The following GALNTL6 variants were observed in gnomAD, a reference collection of about 807,000 sequenced individuals.
GALNTL6 encodes the protein polypeptide N-acetylgalactosaminyltransferase-like 6.
In GALNTL6, 46 loss-of-function variants were observed where a neutral mutation model predicts 73.7. That is an observed-to-expected ratio of 0.62 (90% confidence interval 0.49 to 0.80). GALNTL6 has a LOEUF of 0.80. Ranked by LOEUF, GALNTL6 falls within the 30% of genes least tolerant of loss-of-function variation. The pLI is 0.00. For missense variants in GALNTL6, 604 were observed against 755.0 expected (o/e 0.80, Z 2.34); for synonymous variants, 259 against 263.7 (o/e 0.98, Z 0.17).
intron 2 of GALNTL6, among the ~76,000 whole-genome samples, chr4:172,119,002 G>T (rs538247690): frequency 6.6e-6 from 1 of 150,968 alleles, no homozygotes; most frequent in South Asian, 2.1e-4. Flanking sequence ...ATCAAATCTC[G>T]TATTCACAAT....
chr4:172,011,457 A>G (rs1035822338), intron 2 of GALNTL6, among the ~76,000 whole-genome samples: 4 of 152,134 alleles, frequency 2.6e-5, no homozygotes, highest in Admixed American at 1.3e-4. Flanking sequence ...TTCAAATGCA[A>G]GAACCTTTAG....
chr4:172,696,951 A>C (rs1364560994), intron 5 of GALNTL6, among the ~76,000 whole-genome samples: 1 of 152,234 alleles, frequency 6.6e-6, no homozygotes, highest in Admixed American at 6.6e-5. Context: ...GTCACATTGT[A>C]TATTCAATAA....
chr4:173,014,046 CA>C (rs11388681), intron 11 of GALNTL6, among the ~76,000 whole-genome samples: 1,687 of 144,316 alleles, frequency 0.012, 33 homozygotes, highest in African/African-American at 0.039. Context: ...CGTTTTTTTC[CA>C]AAAAAAAAAG....
intron 2 of GALNTL6, among the ~76,000 whole-genome samples, chr4:172,162,063 A>G (rs189366953): frequency 1.2e-4 from 19 of 152,144 alleles, no homozygotes; most frequent in African/African-American, 4.6e-4. Context: ...TAACAAGAAG[A>G]TATACCATAG....
intron 2 of GALNTL6, among the ~76,000 whole-genome samples, chr4:172,080,291 C>T (rs562914162): frequency 2.1e-3 from 327 of 152,216 alleles, no homozygotes; most frequent in African/African-American, 6.8e-3. Context: ...AGTAATCCTC[C>T]CACCTCAGCC....
chr4:172,197,410 T>C (rs911114427), intron 2 of GALNTL6, among the ~76,000 whole-genome samples: 1 of 152,260 alleles, frequency 6.6e-6, no homozygotes, highest in African/African-American at 2.4e-5. Context: ...TAAACTACCA[T>C]TGACATTCTT....
chr4:171,884,233 T>C (rs1011678057), intron 2 of GALNTL6, among the ~76,000 whole-genome samples: 16 of 152,324 alleles, frequency 1.1e-4, no homozygotes, highest in African/African-American at 3.6e-4. Context: ...TTTGCTATTA[T>C]CTATGGCCAA....
In GALNTL6 at chr4:172,627,787, C is replaced by T. The variant is rs530989959; in HGVS notation, c.554-181574C>T. 5.3e-5 allele frequency among the ~76,000 whole-genome samples: 8 copies of T among 152,088 alleles called. No individual in the cohort carries two copies. The South Asian group carries it at 1.7e-3, about 32-fold the overall frequency. On this transcript the variant is annotated intron_variant, in intron 5 of 12. Transcript: ENST00000506823. ...TTCCCTAGATTTTCTACTTCATGTG[C>T]ATACAGGAGTTCTATAATAGTCTCT...
chr4:172,204,156 C>G (rs1736035977), intron 2 of GALNTL6, among the ~76,000 whole-genome samples: 1 of 152,024 alleles, frequency 6.6e-6, no homozygotes, highest in African/African-American at 2.4e-5. Context: ...GTGAAGTTTA[C>G]TAGGTTGTTT....
At chr4:172,406,528 T>C (rs1162593690) in intron 5 of GALNTL6, among the ~76,000 whole-genome samples, 1 of 152,012 alleles carries the variant, frequency 6.6e-6, no homozygotes, top group Non-Finnish European at 1.5e-5. Flanking sequence ...CAAAAAATAT[T>C]GTCTTCAAGA....
At chr4:171,983,689 T>C (rs1362735270) in intron 2 of GALNTL6, among the ~76,000 whole-genome samples, 2 of 151,994 alleles carry the variant, frequency 1.3e-5, no homozygotes. Context: ...CCTTGAATTT[T>C]AATTTGTGTT....
chr4:172,130,039 A>G (rs1009309623), intron 2 of GALNTL6, among the ~76,000 whole-genome samples: 12 of 152,196 alleles, frequency 7.9e-5, no homozygotes, highest in African/African-American at 2.9e-4. Flanking sequence ...TCAGGAAAGT[A>G]AGGGAACACA....
chr4:172,063,550 T>C (rs1196811760), intron 2 of GALNTL6, among the ~76,000 whole-genome samples: 1 of 152,158 alleles, frequency 6.6e-6, no homozygotes, highest in Admixed American at 6.5e-5. Context: ...TGCAAAACCC[T>C]CTTTTGCAAT....
chr4:172,038,055 T>C (rs1579079496), intron 2 of GALNTL6, among the ~76,000 whole-genome samples: 1 of 151,906 alleles, frequency 6.6e-6, no homozygotes, highest in South Asian at 2.1e-4. Context: ...GGCGATAAGG[T>C]TGCAGTGAGC....
chr4:172,356,628 CT>C, intron 5 of GALNTL6, among the ~76,000 whole-genome samples: 1 of 152,186 alleles, frequency 6.6e-6, no homozygotes, highest in African/African-American at 2.4e-5. Context: ...AAATTCTCCC[CT>C]AATAAGAATT....
intron 2 of GALNTL6, among the ~76,000 whole-genome samples, chr4:171,914,390 G>T (rs1161011022): frequency 6.7e-6 from 1 of 149,438 alleles, no homozygotes; most frequent in Non-Finnish European, 1.5e-5. Flanking sequence ...TAAAATGTAA[G>T]ATACTGAAAA....
At chr4:171,829,845 T>C (rs1038613500) in intron 2 of GALNTL6, among the ~76,000 whole-genome samples, 5 of 151,994 alleles carry the variant, frequency 3.3e-5, no homozygotes, top group Admixed American at 6.6e-5. Flanking sequence ...AACCTGTGAG[T>C]ATTATCTTAT....
intron 5 of GALNTL6, among the ~76,000 whole-genome samples, chr4:172,623,031 C>A (rs1194600578): frequency 6.6e-6 from 1 of 152,058 alleles, no homozygotes; most frequent in African/African-American, 2.4e-5. Flanking sequence ...AGGGCTCCAA[C>A]TAAACCTAGG....
At chr4:172,945,529 T>C (rs953753664) in intron 9 of GALNTL6, among the ~76,000 whole-genome samples, 1 of 152,252 alleles carries the variant, frequency 6.6e-6, no homozygotes, top group African/African-American at 2.4e-5. Context: ...TTTTTGTTTG[T>C]TTGTTTGTCT....
Sources: gnomAD v4.1 joint callset for allele counts (sites outside exome capture counted in the v4.1 genomes callset) on GRCh38, gnomAD v4.1.1 for gene constraint, MANE v1.5 for transcripts, NCBI Gene and HGNC (gene_info 2026-07-23, HGNC 2026-07-21) for gene names.